Variants in EPB41L3 observed in about 807,000 individuals in gnomAD.
EPB41L3 encodes erythrocyte membrane protein band 4.1 like 3.
Under a neutral mutation model 127.1 loss-of-function variants are expected in EPB41L3, and 57 were observed. The ratio of observed to expected loss-of-function variants is 0.45; its 90% CI spans 0.36 to 0.56. The LOEUF (loss-of-function observed/expected upper bound fraction) is 0.56, where lower values mean the gene tolerates loss of function less well. Among genes scored for constraint, EPB41L3 ranks in the 20% least tolerant of loss-of-function variants. The pLI is 0.00. For missense variants in EPB41L3, 1,273 were observed against 1,372.2 expected, an observed-to-expected ratio of 0.93 and a Z score of 1.14; for synonymous variants, 572 against 549.5, an observed-to-expected ratio of 1.04 and a Z score of -0.57.
chr18:5,406,986 A>G lies in EPB41L3; in HGVS notation c.2158-18T>C. 1 of 1,600,696 alleles carries G rather than the reference A, an allele frequency of 6.2e-7. No homozygotes were observed. Among genetic ancestry groups the G allele is most frequent in the Non-Finnish European group, 8.6e-7 (1 of 1,167,892 alleles). On this transcript the variant is annotated intron_variant, in intron 15 of 22. Coordinates refer to ENST00000341928, the MANE Select transcript of EPB41L3 (RefSeq NM_012307.5). ...TCTAGCTCCTATATTCAGAACATAA[A>G]GTATCCAACAGTCAATGTTTTACAT...
At chr18:5,535,284 T>C (rs2093537893) in intron 1 of EPB41L3, among the ~76,000 whole-genome samples, 1 of 152,108 alleles carries the variant, frequency 6.6e-6, no homozygotes, top group African/African-American at 2.4e-5. Flanking sequence ...ATGGAGGTCC[T>C]TGGTGCTAAA....
intron 3 of EPB41L3, among the ~76,000 whole-genome samples, chr18:5,609,697 T>C (rs184738539): frequency 5.3e-5 from 8 of 152,248 alleles, no homozygotes; most frequent in Admixed American, 4.6e-4. Flanking sequence ...AATTTCAGTA[T>C]CACAAAAATA....
intron 3 of EPB41L3, among the ~76,000 whole-genome samples, chr18:5,565,632 C>T (rs1183226222): frequency 7.8e-6 from 1 of 127,676 alleles, no homozygotes; most frequent in Non-Finnish European, 1.6e-5. Context: ...CCCCACCCCA[C>T]AACAGGCCCC....
chr18:5,574,298 C>G (rs1220799583), intron 3 of EPB41L3, among the ~76,000 whole-genome samples: 1 of 151,386 alleles, frequency 6.6e-6, no homozygotes, highest in African/African-American at 2.4e-5. Flanking sequence ...CCTTGAACTC[C>G]TGGACTCAAA....
At chr18:5,393,785 T>C (rs1220400141) in intron 22 of EPB41L3, 2 of 268,166 alleles carry the variant, frequency 7.5e-6, no homozygotes, top group African/African-American at 4.4e-5. Flanking sequence ...CATCAATTTG[T>C]TTCTTAAACC....
At chr18:5,398,767 C>T in intron 16 of EPB41L3, 1 of 399,460 alleles carries the variant, frequency 2.5e-6, no homozygotes, top group East Asian at 3.6e-5. Flanking sequence ...AAGAGGCCCA[C>T]TTTTAAGACC....
intron 3 of EPB41L3, among the ~76,000 whole-genome samples, chr18:5,474,162 C>T (rs533127558): frequency 1.4e-4 from 21 of 151,300 alleles, no homozygotes; most frequent in East Asian, 1.4e-3. Context: ...ACATGGGAGG[C>T]GGAGCTTGCA....
intron 7 of EPB41L3, 108 bp downstream of exon 7, chr18:5,433,795 C>A (rs2079339712): frequency 8.1e-7 from 1 of 1,238,872 alleles, no homozygotes. Context: ...ACACTATGCT[C>A]ACGTCTCGCC....
rs2072574642 is a variant in EPB41L3 at position 5,392,414 on chromosome 18, C to T, written c.*1071G>A. ...CAGTGCATTTGCCATTTTTATTTCGCTATGCAGAAACATACATTCACCATG... is the reference window on the plus strand; with the variant it reads ...CAGTGCATTTGCCATTTTTATTTCGTTATGCAGAAACATACATTCACCATG... On this transcript the variant is annotated 3_prime_UTR_variant, in exon 23 of 23. Coordinates refer to ENST00000341928, the MANE Select transcript of EPB41L3 (RefSeq NM_012307.5). 6.6e-6 allele frequency: 1 copy of T among 152,604 alleles called. No individual in the cohort carries two copies. Among genetic ancestry groups the T allele is most frequent in the African/African-American group, 2.4e-5 (1 of 41,442 alleles). 9.5% of individuals were successfully genotyped at this position (152,604 alleles called of 1,614,324 possible). A position where few individuals can be genotyped will look rare whatever the true frequency, so the allele number is the denominator to read the frequency against.
At chr18:5,594,159 C>G (rs1029736804) in intron 3 of EPB41L3, among the ~76,000 whole-genome samples, 1 of 152,184 alleles carries the variant, frequency 6.6e-6, no homozygotes, top group East Asian at 1.9e-4. Context: ...TTTATGTTTA[C>G]AGACTGCAGT....
At position 5,441,165 on chromosome 18, in the gene EPB41L3, T is replaced by C. The variant is rs181108446; in HGVS notation, c.529+2673A>G. On this transcript the variant is annotated intron_variant, in intron 5 of 22. Transcript: ENST00000341928. ...TCTTGGCCTCCCAAAGAACTGGGAT[T>C]ACAGGCATGAAGTTTTAGAATTTTC... 2.3e-3 allele frequency among the ~76,000 whole-genome samples: 346 copies of C among 152,320 alleles called. 3 individuals are homozygous for C. Among genetic ancestry groups the C allele is most frequent in the African/African-American group, 8.1e-3 (336 of 41,570 alleles).
chr18:5,511,391 GTTTTTTTT>G (rs1190047630), intron 1 of EPB41L3, among the ~76,000 whole-genome samples: 7 of 59,800 alleles, frequency 1.2e-4, no homozygotes, highest in Admixed American at 5.3e-4. Flanking sequence ...AGGTATTTTG[GTTTTTTTT>G]TTTTTTTTTT....
chr18:5,500,458 GTCTC>G (rs1407226100), intron 1 of EPB41L3, among the ~76,000 whole-genome samples: 2 of 152,074 alleles, frequency 1.3e-5, no homozygotes, highest in Admixed American at 6.5e-5. Context: ...TCTGAAATGG[GTCTC>G]TCTTTCACAG....
intron 12 of EPB41L3, among the ~76,000 whole-genome samples, chr18:5,419,160 C>T (rs997922930): frequency 1.3e-5 from 2 of 152,212 alleles, no homozygotes; most frequent in Non-Finnish European, 2.9e-5. Context: ...GAAGAAGCTG[C>T]TGCCAAATTC....
chr18:5,544,636 C>T (rs575545497), upstream of EPB41L3, among the ~76,000 whole-genome samples: 3 of 152,286 alleles, frequency 2.0e-5, no homozygotes, highest in Admixed American at 2.0e-4. Flanking sequence ...AACTCCTGGT[C>T]ATCTCACAAT....
chr18:5,479,837 A>C (rs1240971578), intron 2 of EPB41L3: 2 of 152,182 alleles, frequency 1.3e-5, no homozygotes, highest in Non-Finnish European at 2.9e-5. Context: ...CTGTCTTTCT[A>C]TAGCAAAGTA....
chr18:5,511,934 T>A (rs2092546380), intron 1 of EPB41L3, among the ~76,000 whole-genome samples: 1 of 152,184 alleles, frequency 6.6e-6, no homozygotes, highest in African/African-American at 2.4e-5. Context: ...GCTTCCAGAG[T>A]AAAGTAATAT....
At chr18:5,563,089 G>C (rs1283450089) in intron 3 of EPB41L3, among the ~76,000 whole-genome samples, 1 of 152,208 alleles carries the variant, frequency 6.6e-6, no homozygotes, top group Non-Finnish European at 1.5e-5. Context: ...CAGACGGATG[G>C]GCAGAGGATG....
chr18:5,530,686 C>G (rs1320041189), intron 1 of EPB41L3, among the ~76,000 whole-genome samples: 1 of 152,174 alleles, frequency 6.6e-6, no homozygotes, highest in Non-Finnish European at 1.5e-5. Context: ...TCCAGCTCTC[C>G]CCCTTCTCCA....
Sources: allele counts gnomAD v4.1 joint callset (sites outside exome capture counted in the v4.1 genomes callset), GRCh38; gene constraint gnomAD v4.1.1; transcripts MANE v1.5; gene names NCBI Gene and HGNC (gene_info 2026-07-23, HGNC 2026-07-21).